The following NRG1 variants were observed in gnomAD, a reference collection of about 807,000 sequenced individuals.
The protein encoded by NRG1 is neuregulin 1, also known as pro-neuregulin-1, membrane-bound isoform.
NRG1 carries 18 observed loss-of-function variants against 63.8 expected under a neutral mutation model. That is an observed-to-expected ratio of 0.28 (90% CI 0.19 to 0.42). The LOEUF (loss-of-function observed/expected upper bound fraction) is 0.42. Among genes scored for constraint, NRG1 ranks in the 10% least tolerant of loss-of-function variants. NRG1 has a pLI of 1.00. For missense variants in NRG1, 762 were observed against 814.7 expected, an observed-to-expected ratio of 0.94 and a Z score of 0.79; for synonymous variants, 302 against 301.3, an observed-to-expected ratio of 1.00 and a Z score of -0.02.
rs565549161 is a variant in NRG1, at chr8:32,655,060, T to G, written c.502+38175T>G. 9.7e-4 allele frequency among the ~76,000 whole-genome samples: 147 copies of G among 152,260 alleles called. 2 individuals are homozygous for G. In the South Asian group the frequency reaches 0.03, roughly 31 times the overall value. Reference sequence around the variant, plus strand: ...TACATGTCTTGAGGCTGTTAGGAGATTAAATGAGGTTTTGGAAAACTCCAA... The same window carrying G: ...TACATGTCTTGAGGCTGTTAGGAGAGTAAATGAGGTTTTGGAAAACTCCAA... On this transcript the variant is annotated intron_variant, in intron 5 of 11. Transcript: ENST00000356819.
At chr8:32,658,977 G>T (rs997241041) in intron 5 of NRG1, among the ~76,000 whole-genome samples, 1 of 152,190 alleles carries the variant, frequency 6.6e-6, no homozygotes, top group Non-Finnish European at 1.5e-5. Context: ...TCAAGGATGA[G>T]AGGTGAATGA....
chr8:32,295,841 GC>G (rs1171417024), intron 1 of NRG1, among the ~76,000 whole-genome samples: 2 of 151,490 alleles, frequency 1.3e-5, no homozygotes, highest in African/African-American at 4.9e-5. Context: ...GGAGGCCGAG[GC>G]AGGGGAATTG....
intron 1 of NRG1, among the ~76,000 whole-genome samples, chr8:31,824,654 G>A (rs997346835): frequency 9.2e-5 from 14 of 152,234 alleles, no homozygotes; most frequent in Non-Finnish European, 1.9e-4. Flanking sequence ...GGTGATTAAA[G>A]TAAATTTATG....
intron 1 of NRG1, among the ~76,000 whole-genome samples, chr8:32,349,849 G>T (rs1805371887): frequency 6.6e-6 from 1 of 152,180 alleles, no homozygotes; most frequent in Admixed American, 6.5e-5. Context: ...TCTTCTTTCT[G>T]ATTCTCTGTC....
rs557096025 is a variant in NRG1 at position 31,927,738 on chromosome 8, G to A, written c.37+288307G>A. ...GCTGGGATTACAGGCGTGAGCCACC[G>A]CGCCCGGCCTACTTTTTTTTTTAAA... is the stretch of plus-strand genomic sequence containing the variant. On this transcript the variant is annotated intron_variant, in intron 1 of 10. Coordinates refer to the NRG1 transcript ENST00000519301. Among the ~76,000 whole-genome samples, 520 of 150,234 alleles carry A rather than the reference G, an allele frequency of 3.5e-3. 3 individuals are homozygous for A. Among genetic ancestry groups the A allele is most frequent in the South Asian group, 0.027 (127 of 4,792 alleles).
chr8:31,790,541 C>A (rs1431840888), intron 1 of NRG1, among the ~76,000 whole-genome samples: 1 of 152,164 alleles, frequency 6.6e-6, no homozygotes, highest in Non-Finnish European at 1.5e-5. Context: ...GAAGGAGTTA[C>A]ACAAGAATAC....
chr8:32,718,273 G>A (rs1342082311), intron 5 of NRG1, among the ~76,000 whole-genome samples: 18 of 152,174 alleles, frequency 1.2e-4, no homozygotes. Context: ...TGAAAGAGGT[G>A]TAGTACAAGG....
At chr8:31,875,262 C>A (rs892040664) in intron 1 of NRG1, among the ~76,000 whole-genome samples, 1 of 152,086 alleles carries the variant, frequency 6.6e-6, no homozygotes, top group South Asian at 2.1e-4. Context: ...TGCCTCAGCC[C>A]GGGCAACTGT....
chr8:32,485,441 CT>C (rs1347945072), intron 1 of NRG1, among the ~76,000 whole-genome samples: 1 of 152,164 alleles, frequency 6.6e-6, no homozygotes, highest in Non-Finnish European at 1.5e-5. Flanking sequence ...TGCTTCCTCT[CT>C]CATATTAATA....
At chr8:32,595,851 A>T (rs1843254262) in exon 2 of NRG1, 11 of 1,612,356 alleles carry the variant, frequency 6.8e-6, no homozygotes, top group Non-Finnish European at 9.3e-6. Context: ...ATTGAAAGAG[A>T]TGAAAAGCCA....
intron 1 of NRG1, among the ~76,000 whole-genome samples, chr8:32,231,337 A>G (rs933233389): frequency 1.3e-5 from 2 of 152,188 alleles, no homozygotes; most frequent in Non-Finnish European, 2.9e-5. Context: ...TATATATTTT[A>G]TAGAACATTA....
At chr8:32,744,573 T>G (rs1407629136) in intron 7 of NRG1, among the ~76,000 whole-genome samples, 5 of 152,138 alleles carry the variant, frequency 3.3e-5, no homozygotes, top group African/African-American at 1.2e-4. Flanking sequence ...TATTTGTATT[T>G]AAATAACATA....
intron 1 of NRG1, among the ~76,000 whole-genome samples, chr8:32,205,935 C>CAAA (rs5890627): frequency 1.5e-5 from 2 of 131,838 alleles, no homozygotes; most frequent in Non-Finnish European, 3.3e-5. Context: ...CATCTCTCTA[C>CAAA]AAAAAAAAAA....
At chr8:32,238,888 G>A (rs1847834640) in intron 1 of NRG1, among the ~76,000 whole-genome samples, 1 of 152,172 alleles carries the variant, frequency 6.6e-6, no homozygotes, top group African/African-American at 2.4e-5. Flanking sequence ...GGATGTGCCT[G>A]AATTGAACAG....
intron 1 of NRG1, among the ~76,000 whole-genome samples, chr8:32,528,040 T>C (rs1230716718): frequency 1.3e-5 from 2 of 152,204 alleles, no homozygotes. Flanking sequence ...AGGATGTTTA[T>C]ATTTGCAGTT....
chr8:32,258,888 C>A (rs1850050289), intron 1 of NRG1, among the ~76,000 whole-genome samples: 1 of 152,108 alleles, frequency 6.6e-6, no homozygotes, highest in East Asian at 1.9e-4. Flanking sequence ...CCTCTGTAGT[C>A]CAGGCCCTTA....
chr8:31,648,963 T>C (rs1018143010), intron 1 of NRG1, among the ~76,000 whole-genome samples: 1 of 10,092 alleles, frequency 9.9e-5, no homozygotes, highest in African/African-American at 2.4e-4. Context: ...TTTTCTTTTC[T>C]TTTTTTTTTT....
intron 1 of NRG1, among the ~76,000 whole-genome samples, chr8:32,400,664 A>G (rs912919587): frequency 1.3e-5 from 2 of 152,198 alleles, no homozygotes; most frequent in Non-Finnish European, 2.9e-5. Flanking sequence ...GACAGAGTAA[A>G]GGGAACGCTC....
At chr8:32,364,983 G>A (rs910065895) in intron 1 of NRG1, among the ~76,000 whole-genome samples, 23 of 65,738 alleles carry the variant, frequency 3.5e-4, no homozygotes, top group African/African-American at 1.8e-3. Context: ...TTTTGAGACA[G>A]GGTCTCACCC....
Sources: allele counts gnomAD v4.1 joint callset (sites outside exome capture counted in the v4.1 genomes callset), GRCh38; gene constraint gnomAD v4.1.1; transcripts MANE v1.5; gene names NCBI Gene and HGNC (gene_info 2026-07-23, HGNC 2026-07-21).